BCAS3: variants seen among roughly 807,000 people sequenced by gnomAD.
BCAS3 encodes BCAS3 microtubule associated cell migration factor.
In BCAS3, 53 loss-of-function variants were observed where a neutral mutation model predicts 116.1. The ratio of observed to expected loss-of-function variants is 0.46; its 90% confidence interval spans 0.37 to 0.57. The LOEUF (loss-of-function observed/expected upper bound fraction) is 0.57, where lower values mean the gene tolerates loss of function less well. BCAS3 is among the 20% of genes least tolerant of loss of function. BCAS3 has a pLI of 0.00. For missense variants in BCAS3, 917 were observed against 1,165.4 expected (o/e 0.79, Z 3.10); for synonymous variants, 391 against 408.2 (o/e 0.96, Z 0.51).
chr17:61,391,774 C>T lies in BCAS3; in HGVS notation c.2594-203C>T. On this transcript the variant is annotated intron_variant, in intron 23 of 23. Transcript: ENST00000407086. The surrounding 1 kb of genome is among the most constrained non-coding windows in gnomAD (Gnocchi z 7.7). ...GTGCTCTCACACCAGAGTCTGCCAG[C>T]CAGGGGGCTTTCCCTCCCCTGGCTG... 1 of 613,306 alleles carries T rather than the reference C, an allele frequency of 1.6e-6. No homozygotes were observed. The highest frequency in any genetic ancestry group is 2.9e-6 in the Non-Finnish European group (1 of 347,592). 38.0% of individuals were successfully genotyped at this position (613,306 alleles called of 1,614,324 possible). A position where few individuals can be genotyped will look rare whatever the true frequency, so the allele number is the denominator to read the frequency against.
chr17:60,840,520 G>T (rs904679624), intron 7 of BCAS3, among the ~76,000 whole-genome samples: 1 of 152,080 alleles, frequency 6.6e-6, no homozygotes, highest in African/African-American at 2.4e-5. Flanking sequence ...AATTACACAA[G>T]AATACTTAGT....
chr17:60,687,018 T>G (rs1403433655), intron 3 of BCAS3, among the ~76,000 whole-genome samples: 2 of 152,188 alleles, frequency 1.3e-5, no homozygotes, highest in Non-Finnish European at 2.9e-5. Context: ...AATAGTACAC[T>G]ATGGAAATTA....
At chr17:60,835,211 C>T (rs1033916153) in intron 7 of BCAS3, among the ~76,000 whole-genome samples, 4 of 151,854 alleles carry the variant, frequency 2.6e-5, no homozygotes, top group African/African-American at 9.7e-5. Flanking sequence ...GCTATTAAAG[C>T]TATAAATATA....
chr17:60,709,137 AGG>A (rs2037543238), intron 4 of BCAS3, 80 bp from the exon 5 acceptor site: 2 of 676,104 alleles, frequency 3.0e-6, no homozygotes, highest in South Asian at 3.4e-5. Flanking sequence ...AGATTGAATC[AGG>A]CATTAAAGAA....
intron 19 of BCAS3, among the ~76,000 whole-genome samples, chr17:61,049,295 T>C (rs1282086665): frequency 1.3e-5 from 2 of 151,758 alleles, no homozygotes; most frequent in Non-Finnish European, 2.9e-5. Context: ...AGCAAGACCT[T>C]TTCTCAAATA....
chr17:61,109,283 TTGTGTG>T (rs113547904), intron 22 of BCAS3, among the ~76,000 whole-genome samples: 34 of 145,424 alleles, frequency 2.3e-4, no homozygotes, highest in South Asian at 6.7e-4. Flanking sequence ...AGTATTCCAT[TTGTGTG>T]TGTGTGTGTG....
At chr17:61,308,924 T>C (rs1371461444) in intron 22 of BCAS3, among the ~76,000 whole-genome samples, 1 of 152,234 alleles carries the variant, frequency 6.6e-6, no homozygotes, top group African/African-American at 2.4e-5. Context: ...GCCAACATTA[T>C]ACTTACAAAG....
chr17:60,767,791 T>G (rs1460593610), intron 6 of BCAS3, among the ~76,000 whole-genome samples: 2 of 151,904 alleles, frequency 1.3e-5, no homozygotes, highest in African/African-American at 4.8e-5. Flanking sequence ...TTCTTCCAAT[T>G]TATTTATTTA....
At chr17:60,876,490 C>T (rs887866826) in intron 9 of BCAS3, among the ~76,000 whole-genome samples, 2 of 152,018 alleles carry the variant, frequency 1.3e-5, no homozygotes, top group Non-Finnish European at 2.9e-5. Context: ...TTCTAAATCC[C>T]TTAAAGATAA....
intron 5 of BCAS3, among the ~76,000 whole-genome samples, chr17:60,718,464 T>G (rs944012047): frequency 8.5e-5 from 13 of 152,186 alleles, no homozygotes; most frequent in Non-Finnish European, 1.5e-4. Context: ...AGACAGAGTC[T>G]TGCTCTGTTG....
At chr17:60,859,223 C>T (rs74969675) in intron 7 of BCAS3, among the ~76,000 whole-genome samples, 154 of 152,050 alleles carry the variant, frequency 1.0e-3, no homozygotes, top group African/African-American at 3.4e-3. Flanking sequence ...TCTGGGGGTA[C>T]GTGTTCAGGT....
At position 61,132,389 on chromosome 17, in the gene BCAS3, G is replaced by A. The variant is rs1256663673; in HGVS notation, c.2425+47825G>A. ...ACAGATAATTATGGTTGCTTGACCT[G>A]GGTCTTGGGGCATCTACCAAATCTT... On this transcript the variant is annotated intron_variant, in intron 22 of 23. Transcript: ENST00000407086. This position sits in a 1 kb window ranked among gnomAD's most constrained non-coding sequence, Gnocchi z 5.1. 6.6e-6 allele frequency among the ~76,000 whole-genome samples: 1 copy of A among 152,186 alleles called. No individual in the cohort carries two copies. The highest frequency in any genetic ancestry group is 1.5e-5 in the Non-Finnish European group (1 of 68,044).
At chr17:61,386,906 G>T (rs1221854377) in intron 23 of BCAS3, among the ~76,000 whole-genome samples, 1 of 151,136 alleles carries the variant, frequency 6.6e-6, no homozygotes, top group Non-Finnish European at 1.5e-5. Flanking sequence ...AGCCTCCTGA[G>T]TAGCTGGGAT....
chr17:60,902,770 A>T, intron 11 of BCAS3, 67 bp downstream of exon 11: 1 of 1,259,602 alleles, frequency 7.9e-7, no homozygotes, highest in Non-Finnish European at 1.2e-6. Context: ...TCTCTCCTGA[A>T]TTATATTTTC....
At chr17:61,000,152 CT>C (rs2145474229) in intron 15 of BCAS3, among the ~76,000 whole-genome samples, 1 of 150,318 alleles carries the variant, frequency 6.7e-6, no homozygotes, top group South Asian at 2.1e-4. Context: ...TCAGCTATGA[CT>C]TATAGTAGTA....
intron 22 of BCAS3, among the ~76,000 whole-genome samples, chr17:61,166,420 CAG>C (rs2078507628): frequency 1.0e-5 from 1 of 96,568 alleles, no homozygotes; most frequent in Non-Finnish European, 1.9e-5. Flanking sequence ...TTTTTTGAGA[CAG>C]AGTCTTGCTC....
intron 6 of BCAS3, among the ~76,000 whole-genome samples, chr17:60,791,359 A>G (rs1312275750): frequency 6.6e-6 from 1 of 152,186 alleles, no homozygotes; most frequent in Non-Finnish European, 1.5e-5. Context: ...TTAATGTTAC[A>G]AATGCTTTCT....
chr17:61,048,328 A>G (rs1408403413), intron 19 of BCAS3, among the ~76,000 whole-genome samples: 1 of 152,036 alleles, frequency 6.6e-6, no homozygotes, highest in Admixed American at 6.6e-5. Flanking sequence ...AAGTCATCTG[A>G]CATTAGGGAA....
rs1410739101 is a variant in BCAS3 at position 61,131,692 on chromosome 17, G to C, written c.2425+47128G>C. On this transcript the variant is annotated intron_variant, in intron 22 of 23. Transcript: ENST00000407086. This position sits in a 1 kb window ranked among gnomAD's most constrained non-coding sequence, Gnocchi z 4.4. Reference sequence around the variant, plus strand: ...CTGTTTTTCTTTCCCTGAGAGTGCTGATTAGTGACTTGCGGTGTGGATTCT... The same window carrying C: ...CTGTTTTTCTTTCCCTGAGAGTGCTCATTAGTGACTTGCGGTGTGGATTCT... Among the ~76,000 whole-genome samples the C allele has an allele frequency of 6.6e-6, 1 of 152,168 alleles. No homozygotes were observed. Among genetic ancestry groups the C allele is most frequent in the Non-Finnish European group, 1.5e-5 (1 of 68,038 alleles).
Sources: allele counts gnomAD v4.1 joint callset (sites outside exome capture counted in the v4.1 genomes callset), GRCh38; gene constraint gnomAD v4.1.1; non-coding constraint Gnocchi (gnomAD v3.1); transcripts MANE v1.5; gene names NCBI Gene and HGNC (gene_info 2026-07-23, HGNC 2026-07-21).